The following CHSY1 variants were observed in gnomAD, a reference collection of about 807,000 sequenced individuals.
The protein encoded by CHSY1 is chondroitin sulfate synthase 1.
A neutral mutation model predicts 59.8 loss-of-function variants in CHSY1; 13 were observed. The ratio of observed to expected loss-of-function variants is 0.22; its 90% confidence interval spans 0.14 to 0.35. The LOEUF (loss-of-function observed/expected upper bound fraction) is 0.35. Ranked by LOEUF, CHSY1 falls within the 10% of genes least tolerant of loss-of-function variation. The pLI, the probability that CHSY1 is intolerant of heterozygous loss-of-function variation, is 1.00. For synonymous variants in CHSY1, 459 were observed against 401.2 expected (o/e 1.14, Z -1.72); for missense variants, 947 against 1,030.6 (o/e 0.92, Z 1.11).
chr15:101,212,253 T>C (rs1482328624), intron 2 of CHSY1, among the ~76,000 whole-genome samples: 1 of 152,216 alleles, frequency 6.6e-6, no homozygotes, highest in South Asian at 2.1e-4. Flanking sequence ...AAAAAACACA[T>C]GGCAGTTTCT....
At chr15:101,247,924 G>A (rs1757618211) in intron 1 of CHSY1, among the ~76,000 whole-genome samples, 2 of 152,068 alleles carry the variant, frequency 1.3e-5, no homozygotes, top group African/African-American at 4.8e-5. Context: ...GAATGAAGAG[G>A]TTGCTAGCTA....
intron 2 of CHSY1, among the ~76,000 whole-genome samples, chr15:101,198,178 C>T (rs2038529461): frequency 6.6e-6 from 1 of 152,100 alleles, no homozygotes; most frequent in Non-Finnish European, 1.5e-5. Flanking sequence ...TGGCTCTGAG[C>T]TCTGTGTCTC....
In CHSY1 at chr15:101,177,143, G is replaced by C; in HGVS notation, c.*245C>G. ...GAAAACATTTTTTTAAAAAAGTTTT[G>C]TTCATCAGGTACATTTCAAGTCAAA... On this transcript the variant is annotated 3_prime_UTR_variant, in exon 3 of 3. Coordinates refer to ENST00000254190, the MANE Select transcript of CHSY1 (RefSeq NM_014918.5). The C allele has an allele frequency of 2.4e-6, 1 of 411,948 alleles. No individual in the cohort carries two copies. The highest frequency in any genetic ancestry group is 4.3e-6 in the Non-Finnish European group (1 of 231,456). 25.5% of individuals were successfully genotyped at this position (411,948 alleles called of 1,614,324 possible).
At chr15:101,239,176 T>C (rs1346187254) in intron 1 of CHSY1, among the ~76,000 whole-genome samples, 1 of 152,234 alleles carries the variant, frequency 6.6e-6, no homozygotes, top group Non-Finnish European at 1.5e-5. Context: ...GCTTGGCACA[T>C]AATAGAGGTC....
chr15:101,184,324 G>C (rs962423259), intron 2 of CHSY1, among the ~76,000 whole-genome samples: 3 of 152,190 alleles, frequency 2.0e-5, no homozygotes, highest in African/African-American at 7.2e-5. Context: ...GAAAGTTGCT[G>C]TAAGTACCTT....
At chr15:101,226,911 T>C (rs1443155213) in intron 2 of CHSY1, among the ~76,000 whole-genome samples, 1 of 152,198 alleles carries the variant, frequency 6.6e-6, no homozygotes, top group Non-Finnish European at 1.5e-5. Flanking sequence ...AAATTTAAGC[T>C]GTGGAGCTAA....
chr15:101,193,207 C>T (rs760264129), intron 2 of CHSY1, among the ~76,000 whole-genome samples: 6 of 152,214 alleles, frequency 3.9e-5, no homozygotes, highest in Admixed American at 6.5e-5. Flanking sequence ...AATGCCTGTC[C>T]GGCAAGCAGG....
chr15:101,194,913 T>C (rs138256281), intron 2 of CHSY1, among the ~76,000 whole-genome samples: 20 of 152,294 alleles, frequency 1.3e-4, no homozygotes, highest in East Asian at 1.2e-3. Flanking sequence ...TCTCATGCAC[T>C]TCCTCCCCAG....
intron 2 of CHSY1, among the ~76,000 whole-genome samples, chr15:101,191,570 G>C (rs115059585): frequency 6.6e-6 from 1 of 152,086 alleles, no homozygotes; most frequent in Admixed American, 6.5e-5. Flanking sequence ...TGTGGACTTC[G>C]GGTGATAATG....
rs542935700 is a variant in CHSY1, at chr15:101,205,324, C to CCA, written c.817-26346_817-26345dup. Reference sequence around the variant, plus strand: ...GTGCCTCCCAGTCACTAAATTGCCACCACACACACATGATTCAGAGGAAAG... The same window carrying CCA: ...GTGCCTCCCAGTCACTAAATTGCCACCACACACACACATGATTCAGAGGAAAG... On this transcript the variant is annotated intron_variant, in intron 2 of 2. Transcript: ENST00000254190. Among the ~76,000 whole-genome samples the CCA allele has an allele frequency of 3.0e-3, 463 of 152,136 alleles. 2 individuals carry two copies. Among genetic ancestry groups the CCA allele is most frequent in the African/African-American group, 0.011 (437 of 41,488 alleles).
intron 2 of CHSY1, among the ~76,000 whole-genome samples, chr15:101,180,834 G>A (rs1355390974): frequency 6.6e-6 from 1 of 152,120 alleles, no homozygotes; most frequent in African/African-American, 2.4e-5. Context: ...TCTGTGGGTC[G>A]CAACAAAAGA....
chr15:101,177,554 G>A lies in CHSY1; in HGVS notation c.2243C>T (p.Pro748Leu). The A allele has an allele frequency of 3.1e-6, 5 of 1,614,102 alleles. No homozygotes were observed. In the Middle Eastern group the frequency reaches 4.9e-4, roughly 160 times the overall value. The stretch of plus-strand genomic sequence containing the variant: ...GTCAAGATTGGGATCACAAAAGACA[G>A]GATGGTGGACGTGGACTACTCCTAC... ...QEVGVVHVHH[P>L]VFCDPNLDPK... Residue 748 changes from proline (P) to leucine (L), a missense_variant, in exon 3 of 3, where the codon CCT (proline) becomes CTT (leucine). Coordinates refer to ENST00000254190, the MANE Select transcript of CHSY1 (RefSeq NM_014918.5).
intron 2 of CHSY1, among the ~76,000 whole-genome samples, chr15:101,215,499 C>A (rs141633667): frequency 1.3e-5 from 2 of 152,250 alleles, no homozygotes; most frequent in Non-Finnish European, 2.9e-5. Flanking sequence ...TCTGAGGAGG[C>A]CAATGTGGGT....
intron 2 of CHSY1, among the ~76,000 whole-genome samples, chr15:101,203,187 G>C (rs960810586): frequency 1.1e-4 from 16 of 152,194 alleles, no homozygotes; most frequent in Admixed American, 8.5e-4. Context: ...CTGAAATAGG[G>C]GGGGTGAGGG....
In CHSY1 at chr15:101,235,624, G is replaced by C; in HGVS notation, c.321-47C>G. On this transcript the variant is annotated intron_variant, in intron 1 of 2. Coordinates refer to ENST00000254190, the MANE Select transcript of CHSY1 (RefSeq NM_014918.5). Reference sequence around the variant, plus strand: ...GTTAGAGAACAGTTTATTCCAAGCTGATTTTCAGGAATTCACGTTATCTGC... The same window carrying C: ...GTTAGAGAACAGTTTATTCCAAGCTCATTTTCAGGAATTCACGTTATCTGC... The C allele has an allele frequency of 2.5e-6, 4 of 1,585,798 alleles. No homozygotes were observed. In the South Asian group the frequency reaches 4.4e-5, roughly 18 times the overall value.
At chr15:101,209,928 T>C (rs2038667571) in intron 2 of CHSY1, among the ~76,000 whole-genome samples, 1 of 152,102 alleles carries the variant, frequency 6.6e-6, no homozygotes, top group African/African-American at 2.4e-5. Context: ...AGTATACAAG[T>C]GCCTTAAATT....
intron 2 of CHSY1, among the ~76,000 whole-genome samples, chr15:101,217,304 T>C (rs1398324045): frequency 2.6e-5 from 4 of 152,232 alleles, no homozygotes; most frequent in African/African-American, 9.6e-5. Flanking sequence ...TATCAATTCA[T>C]GCTTAGCTTA....
chr15:101,185,379 A>C (rs1285083729), intron 2 of CHSY1, among the ~76,000 whole-genome samples: 1 of 152,128 alleles, frequency 6.6e-6, no homozygotes, highest in African/African-American at 2.4e-5. Flanking sequence ...GGGCCATGGG[A>C]CCTCCAGGCC....
chr15:101,211,417 CAG>C, intron 2 of CHSY1, among the ~76,000 whole-genome samples: 1 of 152,194 alleles, frequency 6.6e-6, no homozygotes. Context: ...GGAAAAAATC[CAG>C]AGATCTTAGA....
Sources: allele counts gnomAD v4.1 joint callset (sites outside exome capture counted in the v4.1 genomes callset), GRCh38; gene constraint gnomAD v4.1.1; transcripts MANE v1.5; gene names NCBI Gene and HGNC (gene_info 2026-07-23, HGNC 2026-07-21).